PLOD1: variants seen among roughly 807,000 people sequenced by gnomAD.
PLOD1 encodes procollagen-lysine,2-oxoglutarate 5-dioxygenase 1, also known as lysine hydroxylase.
Under a neutral mutation model 94.7 loss-of-function variants are expected in PLOD1, and 70 were observed. That is an observed-to-expected ratio of 0.74 (90% CI 0.61 to 0.90). The LOEUF (loss-of-function observed/expected upper bound fraction) is 0.90. Ranked by LOEUF, PLOD1 falls within the 40% of genes least tolerant of loss-of-function variation. The pLI is 0.00. For synonymous variants in PLOD1, 417 were observed against 400.2 expected, an observed-to-expected ratio of 1.04 and a Z score of -0.50; for missense variants, 905 against 972.7, an observed-to-expected ratio of 0.93 and a Z score of 0.93.
At chr1:11,952,473 C>A (rs1486405118) in intron 4 of PLOD1, 150 bp from the exon 5 acceptor site, 2 of 689,884 alleles carry the variant, frequency 2.9e-6, no homozygotes, top group Non-Finnish European at 5.3e-6. Flanking sequence ...GCAGCCCCAC[C>A]TCCTGTCAAT....
rs1410251013 is a variant in PLOD1, at chr1:11,960,754, A to G, written c.1084A>G (p.Arg362Gly). The G allele has an allele frequency of 6.2e-7, 1 of 1,613,146 alleles. No homozygotes were observed. The highest frequency in any genetic ancestry group is 8.5e-7 in the Non-Finnish European group (1 of 1,179,992). Residue 362 changes from arginine to glycine, a missense_variant, in exon 10 of 19, where the codon AGG (arginine) becomes GGG (glycine). Coordinates refer to ENST00000196061, the MANE Select transcript of PLOD1 (RefSeq NM_000302.4). Reference sequence around the variant, plus strand: ...GGTGCGGATGGCGAATGCAGATGCCAGGAACATGGGCGCGTGAGTTGTGGG... The same window carrying G: ...GGTGCGGATGGCGAATGCAGATGCCGGGAACATGGGCGCGTGAGTTGTGGG... Reference protein sequence around the residue: ...PEVRMANADARNMGADLCRQD... With the variant: ...PEVRMANADAGNMGADLCRQD...
At chr1:11,934,985 C>A in intron 1 of PLOD1, 130 bp downstream of exon 1, 1 of 1,158,082 alleles carries the variant, frequency 8.6e-7, no homozygotes, top group Non-Finnish European at 1.2e-6. Flanking sequence ...GCTCCTTGTC[C>A]ACTTAATCGC....
intron 6 of PLOD1, among the ~76,000 whole-genome samples, 187 bp downstream of exon 6, chr1:11,955,080 G>C (rs529058654): frequency 6.6e-6 from 1 of 152,222 alleles, no homozygotes; most frequent in African/African-American, 2.4e-5. Flanking sequence ...TGTCTCTCTT[G>C]GGGGCGGGGG....
chr1:11,965,657 G>A (rs2100759441), intron 14 of PLOD1, 64 bp downstream of exon 14: 4 of 986,552 alleles, frequency 4.1e-6, no homozygotes, highest in Non-Finnish European at 6.5e-6. Context: ...GCAGTCGGAG[G>A]GACTTCCCTC....
chr1:11,941,706 A>C (rs933364518), intron 1 of PLOD1, among the ~76,000 whole-genome samples: 1 of 151,860 alleles, frequency 6.6e-6, no homozygotes, highest in African/African-American at 2.4e-5. Flanking sequence ...CTGGTCTCAA[A>C]CTCCTGACCT....
At position 11,970,818 on chromosome 1, in the gene PLOD1, TG is replaced by T; in HGVS notation, c.1902+5del. ...CTCTACCCCGGCTACTACACCAGGG[TG>T]GGCAAGCCTGGGGCATAGCCAGGAT... On this transcript the variant is annotated splice_donor_region_variant and intron_variant, in intron 17 of 18. Coordinates refer to ENST00000196061, the MANE Select transcript of PLOD1 (RefSeq NM_000302.4). 1 of 1,541,044 alleles carries T rather than the reference TG, an allele frequency of 6.5e-7. No individual in the cohort carries two copies. Among genetic ancestry groups the T allele is most frequent in the Non-Finnish European group, 8.7e-7 (1 of 1,146,974 alleles).
chr1:11,954,980 G>T, intron 6 of PLOD1, 87 bp downstream of exon 6: 2 of 1,057,978 alleles, frequency 1.9e-6, no homozygotes, highest in Non-Finnish European at 1.5e-6. Flanking sequence ...GAGGAGAAAT[G>T]GGCTGCTTCT....
At chr1:11,973,025 G>A (rs765436349) in intron 18 of PLOD1, 28 bp downstream of exon 18, 1 of 1,613,240 alleles carries the variant, frequency 6.2e-7, no homozygotes, top group Non-Finnish European at 8.5e-7. Context: ...GGGGTCAAGG[G>A]GCCGGCAATG....
Position 11,963,675 on chromosome 1 carries a change from T to A in PLOD1, c.1202+39T>A. Reference sequence around the variant, plus strand: ...GTCTGCACCCAGCACTGCTCAGGACTGGCCTGGTCCTGGGGTGGCAGCCCT... The same window carrying A: ...GTCTGCACCCAGCACTGCTCAGGACAGGCCTGGTCCTGGGGTGGCAGCCCT... On this transcript the variant is annotated intron_variant, in intron 11 of 18. Transcript: ENST00000196061. This position sits in a 1 kb window ranked among gnomAD's most constrained non-coding sequence, Gnocchi z 4.3. 5.8e-6 allele frequency: 8 copies of A among 1,368,670 alleles called. No individual in the cohort carries two copies. The highest frequency in any genetic ancestry group is 7.2e-6 in the Non-Finnish European group (7 of 975,094). 84.8% of individuals were successfully genotyped at this position (1,368,670 alleles called of 1,614,324 possible). A position where few individuals can be genotyped will look rare whatever the true frequency, so the allele number is the denominator to read the frequency against.
Position 11,949,832 on chromosome 1 carries a change from G to C in PLOD1, c.228G>C (p.Gln76His). The change falls in exon 3 of 19, where the codon CAG becomes CAC. Residue 76 changes from glutamine to histidine, a missense_variant. Physicochemically the swap from Gln to His is conservative, Grantham distance 24. Transcript: ENST00000196061. ...VEKGTSAGGG[Q>H]KVRLLKKALE... ...AGGGGACGTCGGCAGGTGGAGGGCA[G>C]AAGGTCCGGCTGCTGAAGAAAGCTC... 3 of 1,614,118 alleles carry C rather than the reference G, an allele frequency of 1.9e-6. No individual in the cohort carries two copies. The highest frequency in any genetic ancestry group is 2.5e-6 in the Non-Finnish European group (3 of 1,179,946).
intron 4 of PLOD1, among the ~76,000 whole-genome samples, chr1:11,951,727 G>A (rs931178459): frequency 2.0e-5 from 3 of 150,252 alleles, no homozygotes; most frequent in African/African-American, 7.4e-5. Context: ...AGACCATCCT[G>A]GCTAACACGA....
chr1:11,954,975 G>A (rs1010808206), intron 6 of PLOD1, 82 bp downstream of exon 6: 1 of 1,080,528 alleles, frequency 9.3e-7, no homozygotes, highest in Non-Finnish European at 1.4e-6. Flanking sequence ...CCAGGGAGGA[G>A]AAATGGGCTG....
intron 1 of PLOD1, among the ~76,000 whole-genome samples, chr1:11,935,612 C>T (rs1645572788): frequency 6.6e-6 from 1 of 151,308 alleles, no homozygotes; most frequent in African/African-American, 2.4e-5. Flanking sequence ...CCTCTGCCTC[C>T]CAGGTAAAAG....
intron 1 of PLOD1, among the ~76,000 whole-genome samples, chr1:11,937,116 G>T (rs1047973540): frequency 2.0e-5 from 3 of 152,160 alleles, no homozygotes; most frequent in South Asian, 4.1e-4. Flanking sequence ...CCAAAGTACC[G>T]GGATTACAGG....
At chr1:11,960,598 G>C in intron 9 of PLOD1, 48 bp from the exon 10 acceptor site, 1 of 1,361,174 alleles carries the variant, frequency 7.3e-7, no homozygotes. Context: ...GGTGGAAGCT[G>C]TGTCCTCCTC....
chr1:11,960,685 C>T lies in PLOD1; in HGVS notation c.1015C>T (p.Gln339Ter), dbSNP rs1569713366. 2 of 1,613,344 alleles carry T rather than the reference C, an allele frequency of 1.2e-6. No homozygotes were observed. The highest frequency in any genetic ancestry group is 1.7e-6 in the Non-Finnish European group (2 of 1,179,990). The change falls in exon 10 of 19, where the codon CAG (glutamine) becomes TAG (stop). Residue 339 changes from glutamine (Q) to a stop codon, truncating the protein, a stop_gained. Coordinates refer to ENST00000196061, the MANE Select transcript of PLOD1 (RefSeq NM_000302.4). LOFTEE classifies it high-confidence loss of function. Reference sequence around the variant, plus strand: ...GGCTCAGGTGGAAGAGTTCCTGGCACAGCATGGCAGCGAGTACCAGTCTGT... The same window carrying T: ...GGCTCAGGTGGAAGAGTTCCTGGCATAGCATGGCAGCGAGTACCAGTCTGT... ...HKAQVEEFLAQHGSEYQSVKL... is the reference protein window; with the variant it reads ...HKAQVEEFLA
At position 11,963,162 on chromosome 1, in the gene PLOD1, G is replaced by A. The variant is rs1038768012; in HGVS notation, c.1098-370G>A. On this transcript the variant is annotated intron_variant, in intron 10 of 18. Transcript: ENST00000196061. The surrounding 1 kb of genome is among the most constrained non-coding windows in gnomAD (Gnocchi z 4.3). ...CACAGACCCTCGTTTGCTGAGTCCT[G>A]TACCAGATAAACAAAAGTAACACAG... is the stretch of plus-strand genomic sequence containing the variant. Among the ~76,000 whole-genome samples, 5 of 152,220 alleles carry A rather than the reference G, an allele frequency of 3.3e-5. No homozygotes were observed. The highest frequency in any genetic ancestry group is 7.3e-5 in the Non-Finnish European group (5 of 68,038).
rs754752318 is a variant in PLOD1 at position 11,934,805 on chromosome 1, T to C, written c.26T>C (p.Leu9Pro). The change falls in exon 1 of 19, where the codon CTG (leucine) becomes CCG (proline). Residue 9 changes from leucine (L) to proline (P), a missense_variant. Transcript: ENST00000196061. MRPLLLLA[L>P]LGWLLLAEAK... is the part of the protein sequence containing the mutation. ...ATGCGGCCCCTGCTGCTACTGGCCC[T>C]GCTGGGCTGGCTGCTGCTGGCCGAA... The C allele has an allele frequency of 4.5e-6, 7 of 1,540,970 alleles. No homozygotes were observed. The highest frequency in any genetic ancestry group is 1.2e-5 in the South Asian group (1 of 83,708).
intron 1 of PLOD1, among the ~76,000 whole-genome samples, chr1:11,938,744 C>G (rs1230222902): frequency 6.6e-6 from 1 of 152,064 alleles, no homozygotes; most frequent in African/African-American, 2.4e-5. Context: ...GCTTGTCTGT[C>G]CCCTCACCCA....
Sources: allele counts gnomAD v4.1 joint callset (sites outside exome capture counted in the v4.1 genomes callset), GRCh38; gene constraint gnomAD v4.1.1; non-coding constraint Gnocchi (gnomAD v3.1); transcripts MANE v1.5; gene names NCBI Gene and HGNC (gene_info 2026-07-23, HGNC 2026-07-21).